The following ATP8B4 variants were observed in gnomAD, a reference collection of about 807,000 sequenced individuals.
ATP8B4 encodes probable phospholipid-transporting ATPase IM.
In ATP8B4, 133 loss-of-function variants were observed where a neutral mutation model predicts 145.6. That is an observed-to-expected ratio of 0.91 (90% CI 0.79 to 1.05). The LOEUF (loss-of-function observed/expected upper bound fraction) is 1.05, where lower values mean the gene tolerates loss of function less well. Ranked by LOEUF, ATP8B4 falls within the 50% of genes least tolerant of loss-of-function variation. The pLI is 0.00. For missense variants in ATP8B4, 1,458 were observed against 1,425.2 expected (o/e 1.02, Z -0.37); for synonymous variants, 507 against 492.9 (o/e 1.03, Z -0.38).
intron 9 of ATP8B4, among the ~76,000 whole-genome samples, chr15:49,988,733 C>T (rs1281982128): frequency 6.6e-6 from 1 of 152,136 alleles, no homozygotes; most frequent in African/African-American, 2.4e-5. Flanking sequence ...TACACTGACT[C>T]CATCCACTCT....
intron 3 of ATP8B4, among the ~76,000 whole-genome samples, chr15:50,058,673 T>G (rs1425923989): frequency 1.3e-5 from 2 of 152,208 alleles, no homozygotes; most frequent in African/African-American, 4.8e-5. Context: ...TACATGCAGT[T>G]GTCAGCACCC....
At chr15:49,990,493 AC>A (rs1342950443) in intron 9 of ATP8B4, among the ~76,000 whole-genome samples, 3 of 152,188 alleles carry the variant, frequency 2.0e-5, no homozygotes, top group Non-Finnish European at 4.4e-5. Context: ...TGAAGAGAAG[AC>A]ATGAAAGCAG....
At chr15:49,916,548 T>C (rs2039759437) in intron 20 of ATP8B4, among the ~76,000 whole-genome samples, 1 of 151,784 alleles carries the variant, frequency 6.6e-6, no homozygotes, top group South Asian at 2.1e-4. Context: ...TGTAGATTCT[T>C]AATTTGTAGG....
chr15:49,935,232 G>A (rs992067575), intron 14 of ATP8B4, among the ~76,000 whole-genome samples: 3 of 151,842 alleles, frequency 2.0e-5, no homozygotes, highest in Non-Finnish European at 2.9e-5. Context: ...TAATAGGCCC[G>A]ACTTTATGCT....
At chr15:49,920,638 C>G (rs1415927474) in intron 17 of ATP8B4, among the ~76,000 whole-genome samples, 2 of 152,182 alleles carry the variant, frequency 1.3e-5, no homozygotes, top group African/African-American at 4.8e-5. Context: ...AGCAAGTCTT[C>G]CCCCTAAACA....
At chr15:49,870,482 A>G (rs1406252279) in intron 25 of ATP8B4, among the ~76,000 whole-genome samples, 1 of 152,220 alleles carries the variant, frequency 6.6e-6, no homozygotes, top group African/African-American at 2.4e-5. Context: ...AAAACAATAG[A>G]GACTACTTAA....
At chr15:50,170,995 C>T (rs1292260394) in intron 1 of ATP8B4, among the ~76,000 whole-genome samples, 2 of 152,160 alleles carry the variant, frequency 1.3e-5, no homozygotes, top group African/African-American at 4.8e-5. Context: ...AGGCCTTGTT[C>T]AACAGGAAAA....
At chr15:49,948,160 T>G (rs1246076830) in intron 14 of ATP8B4, among the ~76,000 whole-genome samples, 2 of 151,652 alleles carry the variant, frequency 1.3e-5, no homozygotes, top group Non-Finnish European at 2.9e-5. Context: ...TGCTCAGGAC[T>G]GGGCGCAATG....
intron 2 of ATP8B4, among the ~76,000 whole-genome samples, chr15:50,098,266 A>AT (rs71124319): frequency 2.4e-4 from 10 of 41,766 alleles, no homozygotes; most frequent in African/African-American, 6.7e-4. Flanking sequence ...TTGTCAGGTG[A>AT]TTTTTTTTTT....
chr15:50,167,127 G>A (rs554202720), intron 1 of ATP8B4, among the ~76,000 whole-genome samples: 8 of 152,072 alleles, frequency 5.3e-5, no homozygotes, highest in Non-Finnish European at 8.8e-5. Flanking sequence ...TCAACTACTG[G>A]ACTTTTTTTC....
chr15:50,088,643 G>A (rs192775872), intron 2 of ATP8B4, among the ~76,000 whole-genome samples: 1 of 152,246 alleles, frequency 6.6e-6, no homozygotes, highest in Admixed American at 6.5e-5. Context: ...CAATGTAGAA[G>A]ATTATTTATT....
In ATP8B4 at chr15:49,996,831, T is replaced by C. The variant is rs16963177; in HGVS notation, c.507-72A>G. ...ACAGCATCCTACCAAAGCAATCAGG[T>C]GGGTGTAGCACATGCAAAGCCAAAC... On this transcript the variant is annotated intron_variant, in intron 8 of 27. Coordinates refer to ENST00000284509, the MANE Select transcript of ATP8B4 (RefSeq NM_024837.4). 2,719 of 1,258,944 alleles carry C rather than the reference T, an allele frequency of 2.2e-3. 47 individuals carry two copies. The African/African-American group carries it at 0.036, about 17-fold the overall frequency. The allele number at this position is 1,258,944 out of a possible 1,614,324, so 78.0% of individuals were successfully genotyped here. A position where few individuals can be genotyped will look rare whatever the true frequency, so the allele number is the denominator to read the frequency against.
chr15:49,938,068 C>T (rs1243580744), intron 14 of ATP8B4, among the ~76,000 whole-genome samples: 1 of 152,126 alleles, frequency 6.6e-6, no homozygotes, highest in Non-Finnish European at 1.5e-5. Flanking sequence ...AAACAAGTAA[C>T]ATCTAAGCCA....
chr15:50,056,693 GTATATGTGTATATATATA>G (rs552342366), intron 3 of ATP8B4, among the ~76,000 whole-genome samples: 162 of 140,672 alleles, frequency 1.2e-3, no homozygotes, highest in Admixed American at 6.3e-3. Context: ...ATATGTATAT[GTATATGTGTATATATATA>G]TATATACACA....
Position 50,002,182 on chromosome 15 carries a change from G to T in ATP8B4, c.477C>A (p.Leu159=). 6.2e-7 allele frequency: 1 copy of T among 1,611,148 alleles called. No individual in the cohort carries two copies. Among genetic ancestry groups the T allele is most frequent in the Non-Finnish European group, 8.5e-7 (1 of 1,178,160 alleles). The change falls in exon 8 of 28, where the codon CTC becomes CTA. Residue 159 remains leucine, a synonymous_variant. Transcript: ENST00000284509. ...LLLSSSEPHG[L]CYVETAELDG... The stretch of plus-strand genomic sequence containing the variant: ...CAAGCTCAGCAGTTTCAACATAACA[G>T]AGACCATGTGGCTCACTACTTGATA...
upstream of ATP8B4, among the ~76,000 whole-genome samples, chr15:50,121,094 A>G (rs2057265487): frequency 6.6e-6 from 1 of 152,218 alleles, no homozygotes; most frequent in Non-Finnish European, 1.5e-5. Context: ...AGAATTGTGT[A>G]TAAGATAATC....
intron 1 of ATP8B4, among the ~76,000 whole-genome samples, chr15:50,169,781 G>C (rs948565719): frequency 2.0e-5 from 3 of 152,132 alleles, no homozygotes; most frequent in Admixed American, 1.3e-4. Flanking sequence ...TTCAAAAAAT[G>C]ATACAAGAAG....
chr15:50,010,539 C>T (rs1163724474), intron 7 of ATP8B4, among the ~76,000 whole-genome samples: 1 of 151,850 alleles, frequency 6.6e-6, no homozygotes, highest in African/African-American at 2.4e-5. Flanking sequence ...TACTCAGGAG[C>T]ATTTTTAAAA....
intron 16 of ATP8B4, among the ~76,000 whole-genome samples, chr15:49,930,263 A>G (rs1009078329): frequency 1.3e-4 from 20 of 152,178 alleles, no homozygotes; most frequent in Admixed American, 1.3e-3. Flanking sequence ...GAGGATGGGG[A>G]AAAGACTTAA....
Sources: allele counts gnomAD v4.1 joint callset (sites outside exome capture counted in the v4.1 genomes callset), GRCh38; gene constraint gnomAD v4.1.1; transcripts MANE v1.5; gene names NCBI Gene and HGNC (gene_info 2026-07-23, HGNC 2026-07-21).